The following RREB1 variants were observed in gnomAD, a reference collection of about 807,000 sequenced individuals.
RREB1 encodes ras responsive element binding protein 1.
A neutral mutation model predicts 117.8 loss-of-function variants in RREB1; 27 were observed. That is an observed-to-expected ratio of 0.23 (90% CI 0.17 to 0.32). The LOEUF is 0.32. Among genes scored for constraint, RREB1 ranks in the 10% least tolerant of loss-of-function variants. RREB1 has a pLI of 1.00. For synonymous variants in RREB1, 1,298 were observed against 1,026.7 expected (o/e 1.26, Z -5.05); for missense variants, 2,577 against 2,378.2 (o/e 1.08, Z -1.74).
rs73719068 is a variant in RREB1 at position 7,187,642 on chromosome 6, C to G, written c.261+119C>G. ...GAAGAGTAGAACAAGGAGTTAAACACTCACTGTGAGCAATCAGTTGAGATA... is the reference window on the plus strand; with the variant it reads ...GAAGAGTAGAACAAGGAGTTAAACAGTCACTGTGAGCAATCAGTTGAGATA... On this transcript the variant is annotated intron_variant, in intron 5 of 12. Coordinates refer to ENST00000379938, the MANE Select transcript of RREB1 (RefSeq NM_001003699.4). The G allele has an allele frequency of 2.3e-3, 957 of 409,574 alleles. 7 individuals are homozygous for G. Among genetic ancestry groups the G allele is most frequent in the African/African-American group, 0.018 (862 of 48,638 alleles). 25.4% of individuals were successfully genotyped at this position (409,574 alleles called of 1,614,324 possible).
chr6:7,177,218 CAAAAAAAAAAAAAA>C (rs552706086), intron 2 of RREB1, among the ~76,000 whole-genome samples: 2 of 34,926 alleles, frequency 5.7e-5, no homozygotes, highest in Non-Finnish European at 1.3e-4. Context: ...GACTGTCTCA[CAAAAAAAAAAAAAA>C]AAAAAAAAAA....
chr6:7,244,133 C>G (rs1011617162), intron 11 of RREB1, among the ~76,000 whole-genome samples: 2 of 151,760 alleles, frequency 1.3e-5, no homozygotes, highest in Non-Finnish European at 2.9e-5. Flanking sequence ...CATGGTGGCT[C>G]ACACCTGTAA....
intron 1 of RREB1, among the ~76,000 whole-genome samples, chr6:7,160,041 CT>C (rs1763571856): frequency 6.6e-6 from 1 of 151,744 alleles, no homozygotes; most frequent in African/African-American, 2.4e-5. Flanking sequence ...AGGCACTGAG[CT>C]ACAGACTAAA....
chr6:7,155,329 C>G (rs1561748971), intron 1 of RREB1, among the ~76,000 whole-genome samples: 1 of 152,198 alleles, frequency 6.6e-6, no homozygotes, highest in Non-Finnish European at 1.5e-5. Context: ...TTGTCTGAGA[C>G]AGAGCTTTGC....
In RREB1 at chr6:7,231,776, C is replaced by G. The variant is rs774006883; in HGVS notation, c.3677C>G (p.Pro1226Arg). The G allele has an allele frequency of 6.2e-7, 1 of 1,613,662 alleles. No individual in the cohort carries two copies. Among genetic ancestry groups the G allele is most frequent in the African/African-American group, 1.3e-5 (1 of 74,926 alleles). Residue 1226 changes from proline to arginine, a missense_variant, in exon 10 of 13, where the codon CCC becomes CGC. Transcript: ENST00000379938. ...HGPSDEEQGSPPEDKLLRAKR... is the reference protein window; with the variant it reads ...HGPSDEEQGSRPEDKLLRAKR... ...CCCAGTGATGAAGAGCAGGGCAGTC[C>G]CCCAGAAGACAAGCTGCTGAGGGCC...
chr6:7,162,175 C>T (rs1371715914), intron 1 of RREB1, among the ~76,000 whole-genome samples: 1 of 151,988 alleles, frequency 6.6e-6, no homozygotes, highest in Non-Finnish European at 1.5e-5. Flanking sequence ...CAGTTAGACA[C>T]AAGGTTGCCG....
chr6:7,172,702 G>C (rs1260600057), intron 1 of RREB1, among the ~76,000 whole-genome samples: 2 of 151,890 alleles, frequency 1.3e-5, no homozygotes, highest in East Asian at 3.9e-4. Context: ...GGGGGGGTGG[G>C]GGTGACTTTC....
rs1371958641 is a variant in RREB1 at position 7,246,696 on chromosome 6, C to T, written c.4246C>T (p.Leu1416=). Residue 1416 remains leucine, a synonymous_variant, in exon 12 of 13, where the codon CTG becomes TTG. Coordinates refer to ENST00000379938, the MANE Select transcript of RREB1 (RefSeq NM_001003699.4). ...AEEDASSNQS[L]DLDFATKLMD... ...AGAGGACGCGTCGAGCAACCAGAGC[C>T]TGGACCTGGACTTCGCCACCAAGCT... 1.3e-6 allele frequency: 2 copies of T among 1,584,304 alleles called. No individual in the cohort carries two copies. The highest frequency in any genetic ancestry group is 1.7e-6 in the Non-Finnish European group (2 of 1,165,694).
chr6:7,141,833 C>G (rs945346614), intron 1 of RREB1, among the ~76,000 whole-genome samples: 1 of 152,230 alleles, frequency 6.6e-6, no homozygotes, highest in Non-Finnish European at 1.5e-5. Context: ...GCCGGGTGGC[C>G]GGGCCAGGAA....
chr6:7,156,521 T>G (rs1763371310), intron 1 of RREB1, among the ~76,000 whole-genome samples: 1 of 152,214 alleles, frequency 6.6e-6, no homozygotes, highest in South Asian at 2.1e-4. Flanking sequence ...CCTTCCGCAC[T>G]GAGCCACATC....
Position 7,229,118 on chromosome 6 carries a change from C to G in RREB1, c.1019C>G (p.Ala340Gly). The G allele has an allele frequency of 1.2e-6, 2 of 1,607,848 alleles. No homozygotes were observed. Among genetic ancestry groups the G allele is most frequent in the Middle Eastern group, 3.3e-4 (2 of 6,010 alleles). The change falls in exon 10 of 13, where the codon GCG (alanine) becomes GGG (glycine). Residue 340 changes from alanine to glycine, a missense_variant. Ala to Gly is a moderately conservative substitution (Grantham distance 60, BLOSUM62 0). Coordinates refer to ENST00000379938, the MANE Select transcript of RREB1 (RefSeq NM_001003699.4). The surrounding 1 kb of genome is among the most constrained non-coding windows in gnomAD (Gnocchi z 4.5). The part of the protein sequence containing the change: ...SLALHKQTHV[A>G]ADQGQEKPQA... ...GCTCTGCACAAGCAGACCCATGTGG[C>G]GGCAGACCAGGGTCAAGAAAAGCCG...
At chr6:7,201,882 G>A (rs1188571701) in intron 6 of RREB1, among the ~76,000 whole-genome samples, 1 of 152,160 alleles carries the variant, frequency 6.6e-6, no homozygotes, top group African/African-American at 2.4e-5. Context: ...TCCAGTTTCT[G>A]TTGGTAGATG....
At chr6:7,190,408 A>G (rs898290706) in intron 6 of RREB1, among the ~76,000 whole-genome samples, 2 of 152,256 alleles carry the variant, frequency 1.3e-5, no homozygotes, top group Non-Finnish European at 2.9e-5. Flanking sequence ...AGTTCCTGGC[A>G]CAAACTAAGC....
rs1769414577 is a variant in RREB1, at chr6:7,251,571, A to G, written c.*2603A>G. ...TCACTACATGAAACACCTGGCTGTGAAAACAAAACAACCCAGAGGGCTGTG... is the reference window on the plus strand; with the variant it reads ...TCACTACATGAAACACCTGGCTGTGGAAACAAAACAACCCAGAGGGCTGTG... On this transcript the variant is annotated 3_prime_UTR_variant, in exon 13 of 13. Coordinates refer to ENST00000379938, the MANE Select transcript of RREB1 (RefSeq NM_001003699.4). 1 of 150,500 alleles carries G rather than the reference A, an allele frequency of 6.6e-6. No individual in the cohort carries two copies. The highest frequency in any genetic ancestry group is 2.5e-5 in the African/African-American group (1 of 40,574). The allele number at this position is 150,500 out of a possible 1,614,324, so 9.3% of individuals were successfully genotyped here.
At chr6:7,180,616 G>A (rs1430816248) in intron 2 of RREB1, among the ~76,000 whole-genome samples, 1 of 152,226 alleles carries the variant, frequency 6.6e-6, no homozygotes, top group Non-Finnish European at 1.5e-5. Flanking sequence ...CACATGGCCT[G>A]AAAAAGTAAA....
At chr6:7,118,080 A>C (rs1305046159) in intron 1 of RREB1, among the ~76,000 whole-genome samples, 1 of 152,228 alleles carries the variant, frequency 6.6e-6, no homozygotes, top group Non-Finnish European at 1.5e-5. Flanking sequence ...AGTTTTATTT[A>C]TCAGGAGGCT....
At chr6:7,221,168 T>C (rs2113061205) in intron 8 of RREB1, among the ~76,000 whole-genome samples, 1 of 148,560 alleles carries the variant, frequency 6.7e-6, no homozygotes, top group South Asian at 2.1e-4. Flanking sequence ...GTGTTTTTCT[T>C]TTTTTTTTTT....
intron 1 of RREB1, among the ~76,000 whole-genome samples, chr6:7,138,210 T>A (rs1488369743): frequency 2.0e-5 from 3 of 152,212 alleles, no homozygotes; most frequent in Non-Finnish European, 4.4e-5. Flanking sequence ...TAGGCATTTG[T>A]CCTTTAGTCT....
At chr6:7,184,337 G>A (rs1230592174) in intron 4 of RREB1, among the ~76,000 whole-genome samples, 1 of 150,144 alleles carries the variant, frequency 6.7e-6, no homozygotes, top group African/African-American at 2.4e-5. Context: ...ACCAGAGCAT[G>A]GTTGATTCCT....
Sources: gnomAD v4.1 joint callset for allele counts (sites outside exome capture counted in the v4.1 genomes callset) on GRCh38, gnomAD v4.1.1 for gene constraint, Gnocchi (gnomAD v3.1) non-coding constraint, MANE v1.5 for transcripts, NCBI Gene and HGNC (gene_info 2026-07-23, HGNC 2026-07-21) for gene names.